The following TMEM123 variants were observed in gnomAD, a reference collection of about 807,000 sequenced individuals.
TMEM123 encodes the protein porimin.
TMEM123 carries 16 observed loss-of-function variants against 19.7 expected under a neutral mutation model. The observed-to-expected ratio is 0.81, with a 90% CI of 0.55 to 1.23. TMEM123 has a LOEUF of 1.23. TMEM123 is among the 50% of genes most tolerant of loss of function. TMEM123 has a pLI of 0.00. For synonymous variants in TMEM123, 118 were observed against 99.4 expected (o/e 1.19, Z -1.12); for missense variants, 313 against 257.8 (o/e 1.21, Z -1.47).
chr11:102,415,837 C>A (rs755205411), intron 2 of TMEM123, among the ~76,000 whole-genome samples: 18 of 152,062 alleles, frequency 1.2e-4, no homozygotes, highest in Non-Finnish European at 2.6e-4. Flanking sequence ...GAGCTGAACT[C>A]AATGAAATTG....
At chr11:102,425,583 CTT>C (rs1167174586) in intron 2 of TMEM123, among the ~76,000 whole-genome samples, 17 of 107,898 alleles carry the variant, frequency 1.6e-4, no homozygotes, top group Admixed American at 3.9e-4. Flanking sequence ...TTTCTTTTTT[CTT>C]TTTTTTTTTT....
At chr11:102,427,447 CTTTTT>C (rs754431473) in intron 2 of TMEM123, among the ~76,000 whole-genome samples, 2 of 122,602 alleles carry the variant, frequency 1.6e-5, no homozygotes, top group African/African-American at 3.0e-5. Context: ...GGTATAAATT[CTTTTT>C]TTTTTTTTTT....
intron 2 of TMEM123, among the ~76,000 whole-genome samples, chr11:102,439,418 T>C (rs1027648434): frequency 1.3e-5 from 2 of 151,992 alleles, no homozygotes; most frequent in Non-Finnish European, 2.9e-5. Context: ...CTGCTGGTGA[T>C]AGCCAGGCAA....
In TMEM123 at chr11:102,448,804, A is replaced by G; in HGVS notation, c.157+8T>C. The stretch of plus-strand genomic sequence containing the variant: ...GAAAATTTGTTTTTTTAATCTTTTA[A>G]AACTCACCTGTTGAGTTAGCACTGG... On this transcript the variant is annotated splice_region_variant and intron_variant, in intron 2 of 4. Coordinates refer to ENST00000398136, the MANE Select transcript of TMEM123 (RefSeq NM_052932.3). 1 of 1,613,020 alleles carries G rather than the reference A, an allele frequency of 6.2e-7. No homozygotes were observed. The highest frequency in any genetic ancestry group is 8.5e-7 in the Non-Finnish European group (1 of 1,179,366).
In TMEM123 at chr11:102,452,587, G is replaced by A. The variant is rs1857954901; in HGVS notation, c.37C>T (p.Leu13Phe). ...LGARGAWAALLLGTLQVLALL... is the reference protein window; with the variant it reads ...LGARGAWAALFLGTLQVLALL... The stretch of plus-strand genomic sequence containing the variant: ...GCTAGCACCTGCAGCGTCCCCAGGA[G>A]CAGCGCGGCCCAAGCACCTCGCGCG... Residue 13 changes from leucine to phenylalanine, a missense_variant, in exon 1 of 5, where the codon CTC becomes TTC. Transcript: ENST00000398136. The A allele has an allele frequency of 8.9e-6, 14 of 1,570,512 alleles. No individual in the cohort carries two copies. The highest frequency in any genetic ancestry group is 1.2e-5 in the Non-Finnish European group (14 of 1,162,412).
intron 1 of TMEM123, chr11:102,451,138 G>C (rs1415900636): frequency 6.6e-6 from 1 of 152,144 alleles, no homozygotes; most frequent in African/African-American, 2.4e-5. Flanking sequence ...AACAAACAGT[G>C]CTAAAATAGG....
intron 2 of TMEM123, among the ~76,000 whole-genome samples, chr11:102,404,267 C>T (rs1951935385): frequency 6.6e-6 from 1 of 152,042 alleles, no homozygotes; most frequent in Non-Finnish European, 1.5e-5. Context: ...TCTTGAAAGA[C>T]AGACAGATTG....
At chr11:102,399,108 A>G (rs147344448) in intron 4 of TMEM123, among the ~76,000 whole-genome samples, 57 of 152,332 alleles carry the variant, frequency 3.7e-4, no homozygotes, top group Middle Eastern at 3.4e-3. Flanking sequence ...TCTTGCTGCA[A>G]TCATAGACAC....
At chr11:102,403,306 G>A (rs748350116) in intron 2 of TMEM123, among the ~76,000 whole-genome samples, 9 of 152,092 alleles carry the variant, frequency 5.9e-5, no homozygotes, top group Non-Finnish European at 1.0e-4. Context: ...CACCGTGCCC[G>A]GCCAATACTC....
chr11:102,412,904 A>C (rs1952016469), intron 2 of TMEM123, among the ~76,000 whole-genome samples: 1 of 152,202 alleles, frequency 6.6e-6, no homozygotes, highest in Admixed American at 6.5e-5. Context: ...CCTTCAATGT[A>C]CCTAAAAACT....
intron 2 of TMEM123, among the ~76,000 whole-genome samples, chr11:102,440,739 AAC>A (rs1857816919): frequency 1.3e-5 from 2 of 152,074 alleles, no homozygotes; most frequent in South Asian, 2.1e-4. Context: ...CTCCAATTAA[AAC>A]ACAGACTGGC....
At position 102,404,620 on chromosome 11, in the gene TMEM123, A is replaced by G. The variant is rs1438761084; in HGVS notation, c.158-2414T>C. 2.8e-5 allele frequency among the ~76,000 whole-genome samples: 4 copies of G among 143,462 alleles called. No individual in the cohort carries two copies. The East Asian group carries it at 8.5e-4, about 30-fold the overall frequency. The allele number at this position is 143,462 out of a possible 152,430, so 94.1% of individuals were successfully genotyped here. On this transcript the variant is annotated intron_variant, in intron 2 of 4. Transcript: ENST00000398136. ...TTATTATTGTTATTACTATTTTTGA[A>G]ACAGTCTTGCTCTGTCCCCCAGGCT...
intron 1 of TMEM123, among the ~76,000 whole-genome samples, chr11:102,452,019 G>A (rs1221858886): frequency 1.3e-5 from 2 of 152,210 alleles, no homozygotes; most frequent in East Asian, 1.9e-4. Flanking sequence ...AGCGTCAGGG[G>A]GACCTAAAGA....
At position 102,396,548 on chromosome 11, in the gene TMEM123, T is replaced by C. The variant is rs1951857339; in HGVS notation, c.*2319A>G. Reference sequence around the variant, plus strand: ...AATTTTAAAATTGGCTTCTGCCTAGTACTTATACATCTGGATTGTTTGTTT... The same window carrying C: ...AATTTTAAAATTGGCTTCTGCCTAGCACTTATACATCTGGATTGTTTGTTT... On this transcript the variant is annotated 3_prime_UTR_variant, in exon 5 of 5. Coordinates refer to ENST00000398136, the MANE Select transcript of TMEM123 (RefSeq NM_052932.3). 2 of 152,216 alleles carry C rather than the reference T, an allele frequency of 1.3e-5. No individual in the cohort carries two copies. 9.4% of individuals were successfully genotyped at this position (152,216 alleles called of 1,614,324 possible).
At chr11:102,429,670 T>A (rs939669851) in intron 2 of TMEM123, among the ~76,000 whole-genome samples, 1 of 152,190 alleles carries the variant, frequency 6.6e-6, no homozygotes, top group African/African-American at 2.4e-5. Context: ...CTGACAATCA[T>A]AGCATTCTAC....
Position 102,399,722 on chromosome 11 carries a change from C to T in TMEM123, c.603-831G>A, listed in dbSNP as rs780569111. ...TGGTGGCTCACGCCTGTAATCCCAG[C>T]ACTTTGGGAGGCCAAGGTGGGAGGA... is the stretch of plus-strand genomic sequence containing the variant. On this transcript the variant is annotated intron_variant, in intron 4 of 4. Coordinates refer to ENST00000398136, the MANE Select transcript of TMEM123 (RefSeq NM_052932.3). Among the ~76,000 whole-genome samples, 38 of 152,280 alleles carry T rather than the reference C, an allele frequency of 2.5e-4. No individual in the cohort carries two copies. The Middle Eastern group carries it at 0.014, about 55-fold the overall frequency.
intron 2 of TMEM123, among the ~76,000 whole-genome samples, chr11:102,413,483 T>C (rs1312933933): frequency 6.6e-6 from 1 of 152,134 alleles, no homozygotes; most frequent in Non-Finnish European, 1.5e-5. Context: ...ACCCCCACAT[T>C]GGAATGTTAT....
chr11:102,399,741 G>T (rs529085147), intron 4 of TMEM123, among the ~76,000 whole-genome samples: 1 of 152,056 alleles, frequency 6.6e-6, no homozygotes, highest in East Asian at 1.9e-4. Flanking sequence ...AGGCCAAGGT[G>T]GGAGGATCAC....
At chr11:102,435,884 AG>A (rs1857757456) in intron 2 of TMEM123, among the ~76,000 whole-genome samples, 1 of 151,834 alleles carries the variant, frequency 6.6e-6, no homozygotes, top group Admixed American at 6.6e-5. Context: ...AGGTAGGATA[AG>A]GGGGTGATAA....
Sources: gnomAD v4.1 joint callset for allele counts (sites outside exome capture counted in the v4.1 genomes callset) on GRCh38, gnomAD v4.1.1 for gene constraint, MANE v1.5 for transcripts, NCBI Gene and HGNC (gene_info 2026-07-23, HGNC 2026-07-21) for gene names.